The following AJAP1 variants were observed in gnomAD, a reference collection of about 807,000 sequenced individuals.
AJAP1 encodes the protein adherens junction-associated protein 1.
In AJAP1, 5 loss-of-function variants were observed where a neutral mutation model predicts 35.0. The ratio of observed to expected loss-of-function variants is 0.14; its 90% CI spans 0.07 to 0.30. The LOEUF is 0.30. Ranked by LOEUF, AJAP1 falls within the 10% of genes least tolerant of loss-of-function variation. The pLI is 1.00. For synonymous variants in AJAP1, 284 were observed against 249.3 expected, an observed-to-expected ratio of 1.14 and a Z score of -1.31; for missense variants, 586 against 571.0, an observed-to-expected ratio of 1.03 and a Z score of -0.27.
chr1:4,746,900 G>A (rs1641199701), intron 2 of AJAP1, among the ~76,000 whole-genome samples: 1 of 152,210 alleles, frequency 6.6e-6, no homozygotes, highest in Non-Finnish European at 1.5e-5. Context: ...TTCACCACCA[G>A]CCTTGTGACC....
In AJAP1 at chr1:4,789,925, G is replaced by C. The variant is rs1020430707; in HGVS notation, c.*7440G>C. On this transcript the variant is annotated 3_prime_UTR_variant, in exon 6 of 6. Coordinates refer to ENST00000378191, the MANE Select transcript of AJAP1 (RefSeq NM_018836.4). The surrounding 1 kb of genome is among the most constrained non-coding windows in gnomAD (Gnocchi z 4.4). ...TGAAATCATTGTACAGGGAACTGCAGGGGTGAACACCATTGTACCAATCCC... is the reference window on the plus strand; with the variant it reads ...TGAAATCATTGTACAGGGAACTGCACGGGTGAACACCATTGTACCAATCCC... 6.6e-6 allele frequency: 1 copy of C among 152,388 alleles called. No individual in the cohort carries two copies. The highest frequency in any genetic ancestry group is 2.4e-5 in the African/African-American group (1 of 41,572). 9.4% of individuals were successfully genotyped at this position (152,388 alleles called of 1,614,324 possible). A position where few individuals can be genotyped will look rare whatever the true frequency, so the allele number is the denominator to read the frequency against.
chr1:4,656,196 A>G lies in AJAP1; in HGVS notation c.29+742A>G, dbSNP rs1638877434. On this transcript the variant is annotated intron_variant, in intron 1 of 5. Transcript: ENST00000378191. The surrounding 1 kb of genome is among the most constrained non-coding windows in gnomAD (Gnocchi z 5.7). ...CAGATGGAAGAGGGGGTTCGAGCCT[A>G]GAGCCCGTGGTGGGGGTGTCCAGAA... Among the ~76,000 whole-genome samples, 1 of 152,136 alleles carries G rather than the reference A, an allele frequency of 6.6e-6. No individual in the cohort carries two copies. The highest frequency in any genetic ancestry group is 6.5e-5 in the Admixed American group (1 of 15,280).
intron 1 of AJAP1, among the ~76,000 whole-genome samples, chr1:4,680,682 G>T (rs1037332287): frequency 6.6e-6 from 1 of 152,158 alleles, no homozygotes; most frequent in Admixed American, 6.5e-5. Flanking sequence ...GGGCATAAAT[G>T]ACTTCCCAGA....
At chr1:4,686,605 G>A (rs1466720900) in intron 1 of AJAP1, among the ~76,000 whole-genome samples, 2 of 152,242 alleles carry the variant, frequency 1.3e-5, no homozygotes, top group African/African-American at 2.4e-5. Flanking sequence ...CTTCCGCAGA[G>A]CTTTGCCGAG....
chr1:4,703,172 T>G (rs1254719058), intron 1 of AJAP1, among the ~76,000 whole-genome samples: 1 of 152,152 alleles, frequency 6.6e-6, no homozygotes, highest in Non-Finnish European at 1.5e-5. Context: ...TGACAGGACA[T>G]TACAATGACA....
intron 2 of AJAP1, among the ~76,000 whole-genome samples, chr1:4,736,074 C>T (rs1423391139): frequency 6.6e-6 from 1 of 152,222 alleles, no homozygotes; most frequent in Non-Finnish European, 1.5e-5. Context: ...AAGAAAAATG[C>T]CAACCTCCCA....
chr1:4,700,435 C>T (rs1173244051), intron 1 of AJAP1, among the ~76,000 whole-genome samples: 1 of 152,138 alleles, frequency 6.6e-6, no homozygotes, highest in Non-Finnish European at 1.5e-5. Flanking sequence ...CCTCCCCCAC[C>T]CCAGAGGATC....
intron 2 of AJAP1, among the ~76,000 whole-genome samples, chr1:4,713,681 G>A (rs1199057698): frequency 1.3e-5 from 2 of 152,228 alleles, no homozygotes; most frequent in Non-Finnish European, 2.9e-5. Context: ...AGCCCGATGT[G>A]CCAGGTTGGC....
rs1642022350 is a variant in AJAP1 at position 4,779,648 on chromosome 1, C to A, written c.*60-2897C>A. Among the ~76,000 whole-genome samples the A allele has an allele frequency of 5.3e-5, 8 of 152,128 alleles. No individual in the cohort carries two copies. In the South Asian group the frequency reaches 1.7e-3, roughly 32 times the overall value. ...GGCAGCCATATGACTTACGGTCCAA[C>A]CCTGAACACATTCCAGAGCAAAAGG... On this transcript the variant is annotated intron_variant, in intron 5 of 5. Coordinates refer to ENST00000378191, the MANE Select transcript of AJAP1 (RefSeq NM_018836.4).
intron 1 of AJAP1, among the ~76,000 whole-genome samples, chr1:4,657,010 C>T (rs1334091867): frequency 2.0e-5 from 3 of 152,202 alleles, no homozygotes; most frequent in Admixed American, 1.3e-4. Context: ...AATGACCAGA[C>T]GGGTCCCCAC....
chr1:4,679,439 A>G (rs1323236082), intron 1 of AJAP1, among the ~76,000 whole-genome samples: 1 of 152,218 alleles, frequency 6.6e-6, no homozygotes, highest in Non-Finnish European at 1.5e-5. Context: ...TAGGGGCCTC[A>G]GATCATAAGT....
At position 4,772,388 on chromosome 1, in the gene AJAP1, C is replaced by T; in HGVS notation, c.1026C>T (p.Ser342=). 1 of 1,614,264 alleles carries T rather than the reference C, an allele frequency of 6.2e-7. No homozygotes were observed. Among genetic ancestry groups the T allele is most frequent in the Non-Finnish European group, 8.5e-7 (1 of 1,180,056 alleles). ...ACTTCCCCTCGGCCCGGGTGCCCAG[C>T]AGCCTGGACATATTCACGGCCTATA... ...LTDFPSARVP[S]SLDIFTAYNE... The change falls in exon 4 of 6, where the codon AGC becomes AGT. Residue 342 remains serine, a synonymous_variant. Transcript: ENST00000378191.
At chr1:4,766,205 G>A (rs1377244976) in intron 2 of AJAP1, among the ~76,000 whole-genome samples, 1 of 142,534 alleles carries the variant, frequency 7.0e-6, no homozygotes, top group Admixed American at 7.0e-5. Flanking sequence ...TTTGCCCATT[G>A]TCTGTGGCTG....
chr1:4,730,121 G>A (rs1412693210), intron 2 of AJAP1, among the ~76,000 whole-genome samples: 1 of 152,214 alleles, frequency 6.6e-6, no homozygotes. Flanking sequence ...TGCCGGATAT[G>A]TCGGTATTGC....
In AJAP1 at chr1:4,782,079, A is replaced by T. The variant is rs1642075257; in HGVS notation, c.*60-466A>T. ...GCAGCTGAGTAGTGGACAGAAACAGACTCCCATTCTTCCCGCAGCACAGGA... is the reference window on the plus strand; with the variant it reads ...GCAGCTGAGTAGTGGACAGAAACAGTCTCCCATTCTTCCCGCAGCACAGGA... On this transcript the variant is annotated intron_variant, in intron 5 of 5. Coordinates refer to ENST00000378191, the MANE Select transcript of AJAP1 (RefSeq NM_018836.4). The surrounding 1 kb of genome is among the most constrained non-coding windows in gnomAD (Gnocchi z 5.3). 6.6e-6 allele frequency among the ~76,000 whole-genome samples: 1 copy of T among 151,742 alleles called. No homozygotes were observed. The highest frequency in any genetic ancestry group is 1.5e-5 in the Non-Finnish European group (1 of 67,938).
At chr1:4,756,735 G>A (rs768469640) in intron 2 of AJAP1, among the ~76,000 whole-genome samples, 3 of 152,234 alleles carry the variant, frequency 2.0e-5, no homozygotes, top group Non-Finnish European at 2.9e-5. Flanking sequence ...TCTGAAACAA[G>A]TTTGCTTTCT....
chr1:4,677,632 C>T (rs78718363), intron 1 of AJAP1, among the ~76,000 whole-genome samples: 6,467 of 152,006 alleles, frequency 0.043, 182 homozygotes, highest in South Asian at 0.075. Flanking sequence ...TGCCATTCAG[C>T]GGGCATAAAG....
At chr1:4,778,196 G>C (rs948654601) in intron 5 of AJAP1, among the ~76,000 whole-genome samples, 1 of 152,186 alleles carries the variant, frequency 6.6e-6, no homozygotes, top group African/African-American at 2.4e-5. Flanking sequence ...TCCCGATCTG[G>C]AAGATGGCTT....
In AJAP1 at chr1:4,723,990, C is replaced by G. The variant is rs1320398632; in HGVS notation, c.829+11291C>G. 2.0e-5 allele frequency among the ~76,000 whole-genome samples: 3 copies of G among 152,146 alleles called. No individual in the cohort carries two copies. The highest frequency in any genetic ancestry group is 4.4e-5 in the Non-Finnish European group (3 of 68,026). ...ACCTCAAGAGGTGTCCAAGAAAAGC[C>G]TGGTTTCCGAATTCTGTGTTTCTCC... On this transcript the variant is annotated intron_variant, in intron 2 of 5. Coordinates refer to ENST00000378191, the MANE Select transcript of AJAP1 (RefSeq NM_018836.4). The surrounding 1 kb of genome is among the most constrained non-coding windows in gnomAD (Gnocchi z 4.3).
Sources: allele counts gnomAD v4.1 joint callset (sites outside exome capture counted in the v4.1 genomes callset), GRCh38; gene constraint gnomAD v4.1.1; non-coding constraint Gnocchi (gnomAD v3.1); transcripts MANE v1.5; gene names NCBI Gene and HGNC (gene_info 2026-07-23, HGNC 2026-07-21).